Variants in TMEM51 observed in about 807,000 individuals in gnomAD.
TMEM51 encodes chromosome 1 open reading frame 72.
In TMEM51, 8 loss-of-function variants were observed where a neutral mutation model predicts 13.6. The observed-to-expected ratio is 0.59, with a 90% CI of 0.35 to 1.07. TMEM51 has a LOEUF of 1.07. TMEM51 is among the 50% of genes least tolerant of loss of function. The pLI is 0.02. For missense variants in TMEM51, 279 were observed against 330.7 expected, an observed-to-expected ratio of 0.84 and a Z score of 1.21; for synonymous variants, 147 against 144.4, an observed-to-expected ratio of 1.02 and a Z score of -0.13.
upstream of TMEM51, among the ~76,000 whole-genome samples, chr1:15,153,363 T>C (rs1473079915): frequency 1.3e-5 from 2 of 152,066 alleles, no homozygotes; most frequent in Non-Finnish European, 2.9e-5. Flanking sequence ...GACTTCTAGC[T>C]TGAGACATTC....
At position 15,176,153 on chromosome 1, in the gene TMEM51, A is replaced by G. The variant is rs531493112; in HGVS notation, c.-267+22199A>G. Among the ~76,000 whole-genome samples, 8 of 152,332 alleles carry G rather than the reference A, an allele frequency of 5.3e-5. No individual in the cohort carries two copies. The South Asian group carries it at 1.5e-3, about 28-fold the overall frequency. On this transcript the variant is annotated intron_variant, in intron 1 of 3. Coordinates refer to ENST00000376008, the MANE Select transcript of TMEM51 (RefSeq NM_001136218.2). ...CACTTCTGTGTTTGTAGTGCCCAACAACCCAGTGGTTGCTCAGTCAATGTT... is the reference window on the plus strand; with the variant it reads ...CACTTCTGTGTTTGTAGTGCCCAACGACCCAGTGGTTGCTCAGTCAATGTT...
At chr1:15,213,647 T>A (rs936988295) in intron 2 of TMEM51, among the ~76,000 whole-genome samples, 3 of 152,134 alleles carry the variant, frequency 2.0e-5, no homozygotes, top group Non-Finnish European at 2.9e-5. Context: ...CGCTGGCTGC[T>A]CCCTTTAGCG....
At chr1:15,211,503 T>C (rs973105178) in intron 2 of TMEM51, among the ~76,000 whole-genome samples, 1 of 152,222 alleles carries the variant, frequency 6.6e-6, no homozygotes, top group African/African-American at 2.4e-5. Flanking sequence ...CTTGGTGCTT[T>C]ATGTATATTA....
intron 1 of TMEM51, among the ~76,000 whole-genome samples, chr1:15,177,617 A>G (rs904482910): frequency 3.9e-5 from 6 of 152,188 alleles, no homozygotes; most frequent in African/African-American, 1.4e-4. Context: ...ATGGGCGTGC[A>G]GTGTCTCTCT....
intron 1 of TMEM51, among the ~76,000 whole-genome samples, chr1:15,156,897 G>A (rs932804170): frequency 6.6e-6 from 1 of 152,062 alleles, no homozygotes; most frequent in Admixed American, 6.6e-5. Flanking sequence ...TGGGCCCCAG[G>A]TTTCTCAACC....
chr1:15,187,465 T>G (rs1301954289), intron 1 of TMEM51, among the ~76,000 whole-genome samples: 1 of 152,194 alleles, frequency 6.6e-6, no homozygotes, highest in Non-Finnish European at 1.5e-5. Context: ...AGGGTGGTGA[T>G]GCCTGTAGGT....
In TMEM51 at chr1:15,153,780, T is replaced by A. The variant is rs1642480605; in HGVS notation, c.-441T>A. ...CTTCCTGCGTCCCCAACCCGGTCCC[T>A]GAGAGGGCAGTGCGCCCTCTCCACC... On this transcript the variant is annotated 5_prime_UTR_variant, in exon 1 of 4. Transcript: ENST00000376008. 6.6e-6 allele frequency: 1 copy of A among 151,798 alleles called. No homozygotes were observed. Among genetic ancestry groups the A allele is most frequent in the Admixed American group, 6.6e-5 (1 of 15,258 alleles). 9.4% of individuals were successfully genotyped at this position (151,798 alleles called of 1,614,324 possible).
intron 1 of TMEM51, among the ~76,000 whole-genome samples, chr1:15,154,676 G>A (rs1642526081): frequency 6.6e-6 from 1 of 152,170 alleles, no homozygotes; most frequent in Admixed American, 6.5e-5. Flanking sequence ...GCTTGGCCCG[G>A]CGCGCCTGGT....
chr1:15,220,163 C>T lies in TMEM51; in HGVS notation c.*420C>T, dbSNP rs753409095. On this transcript the variant is annotated 3_prime_UTR_variant, in exon 4 of 4. Transcript: ENST00000376008. ...AAACAAGTTTTGTGTTTGCTGTCTA[C>T]GCTGGAGTCCTGAACTGTGGGTAGA... The T allele has an allele frequency of 1.0e-4, 20 of 191,680 alleles. No individual in the cohort carries two copies. The highest frequency in any genetic ancestry group is 5.0e-4 in the East Asian group (4 of 8,022). The allele number at this position is 191,680 out of a possible 1,614,324, so 11.9% of individuals were successfully genotyped here.
At chr1:15,184,312 ACCACGCCT>A in intron 1 of TMEM51, among the ~76,000 whole-genome samples, 1 of 152,154 alleles carries the variant, frequency 6.6e-6, no homozygotes, top group Non-Finnish European at 1.5e-5. Context: ...GGTGTGAACC[ACCACGCCT>A]GGCCTTGCCT....
chr1:15,202,786 T>G (rs1644181097), intron 1 of TMEM51, among the ~76,000 whole-genome samples: 1 of 152,170 alleles, frequency 6.6e-6, no homozygotes, highest in Non-Finnish European at 1.5e-5. Context: ...CAAATTTTGA[T>G]TAGGACCCGG....
chr1:15,210,137 T>C (rs978550683), intron 1 of TMEM51, among the ~76,000 whole-genome samples: 1 of 152,210 alleles, frequency 6.6e-6, no homozygotes, highest in Non-Finnish European at 1.5e-5. Flanking sequence ...GCCTGTCATT[T>C]TCCTCTCCTG....
chr1:15,182,204 A>ATAAC (rs1553200256), intron 1 of TMEM51, among the ~76,000 whole-genome samples: 1 of 138,648 alleles, frequency 7.2e-6, no homozygotes, highest in Non-Finnish European at 1.6e-5. Flanking sequence ...AAATAAATAA[A>ATAAC]TAACTGCACT....
intron 1 of TMEM51, among the ~76,000 whole-genome samples, chr1:15,159,589 G>A (rs888831930): frequency 2.0e-5 from 3 of 152,048 alleles, no homozygotes; most frequent in Non-Finnish European, 2.9e-5. Context: ...ACAGAGTCTC[G>A]CTCTGTTGCC....
At chr1:15,204,537 A>T (rs1644215106) in intron 1 of TMEM51, among the ~76,000 whole-genome samples, 1 of 152,176 alleles carries the variant, frequency 6.6e-6, no homozygotes, top group Non-Finnish European at 1.5e-5. Context: ...CCTGGGTGAG[A>T]GAGCGAGACC....
intron 1 of TMEM51, among the ~76,000 whole-genome samples, chr1:15,160,559 C>T (rs1046371527): frequency 6.6e-6 from 1 of 152,044 alleles, no homozygotes; most frequent in African/African-American, 2.4e-5. Context: ...CAGGCGTGAG[C>T]CACCACACCC....
In TMEM51 at chr1:15,215,074, C is replaced by T; in HGVS notation, c.-14C>T. On this transcript the variant is annotated 5_prime_UTR_variant, in exon 3 of 4. Coordinates refer to ENST00000376008, the MANE Select transcript of TMEM51 (RefSeq NM_001136218.2). ...TTCTTTCTTGGAACTGGGCCTCGCC[C>T]TCCTCCCACTGACATGATGGCCCAG... 6.3e-7 allele frequency: 1 copy of T among 1,594,858 alleles called. No homozygotes were observed. The highest frequency in any genetic ancestry group is 8.6e-7 in the Non-Finnish European group (1 of 1,166,662).
At chr1:15,171,356 C>A in intron 1 of TMEM51, 1 of 1,274,840 alleles carries the variant, frequency 7.8e-7, no homozygotes, top group South Asian at 1.3e-5. Context: ...AGTTCTTATG[C>A]ATTCATAGGG....
chr1:15,199,340 G>A (rs1390567664), intron 1 of TMEM51, among the ~76,000 whole-genome samples: 1 of 152,006 alleles, frequency 6.6e-6, no homozygotes, highest in Admixed American at 6.6e-5. Flanking sequence ...CACCATGTTG[G>A]CCAGGCTGGT....
Sources: gnomAD v4.1 joint callset for allele counts (sites outside exome capture counted in the v4.1 genomes callset) on GRCh38, gnomAD v4.1.1 for gene constraint, MANE v1.5 for transcripts, NCBI Gene and HGNC (gene_info 2026-07-23, HGNC 2026-07-21) for gene names.